CTNNA3: variants seen among roughly 807,000 people sequenced by gnomAD.
CTNNA3 encodes catenin alpha 3.
CTNNA3 carries 76 observed loss-of-function variants against 95.7 expected under a neutral mutation model. The observed-to-expected ratio is 0.79, with a 90% CI of 0.66 to 0.96. CTNNA3 has a LOEUF of 0.96. CTNNA3 is among the 40% of genes least tolerant of loss of function. The pLI is 0.00. For synonymous variants in CTNNA3, 431 were observed against 374.4 expected, an observed-to-expected ratio of 1.15 and a Z score of -1.74; for missense variants, 1,191 against 1,089.8, an observed-to-expected ratio of 1.09 and a Z score of -1.31.
intron 9 of CTNNA3, among the ~76,000 whole-genome samples, chr10:66,700,201 A>G (rs1847899838): frequency 1.3e-5 from 2 of 152,148 alleles, no homozygotes; most frequent in Non-Finnish European, 2.9e-5. Context: ...TGTTCAAAAT[A>G]TCATTATGAA....
chr10:67,132,185 T>A (rs1020454674), intron 7 of CTNNA3, among the ~76,000 whole-genome samples: 1 of 152,154 alleles, frequency 6.6e-6, no homozygotes, highest in South Asian at 2.1e-4. Flanking sequence ...ATGACTCTTA[T>A]GTTTCTAGCT....
chr10:66,634,739 CAAAT>C (rs1343625112), intron 9 of CTNNA3, among the ~76,000 whole-genome samples: 1 of 151,938 alleles, frequency 6.6e-6, no homozygotes, highest in Non-Finnish European at 1.5e-5. Context: ...TTGTCCCTCT[CAAAT>C]AAGTCATTAA....
At chr10:66,161,414 A>T (rs1417442128) in intron 13 of CTNNA3, among the ~76,000 whole-genome samples, 1 of 152,158 alleles carries the variant, frequency 6.6e-6, no homozygotes, top group Non-Finnish European at 1.5e-5. Context: ...TTCTCTCAGC[A>T]TTTGTTTTTC....
intron 13 of CTNNA3, among the ~76,000 whole-genome samples, chr10:66,224,811 C>G (rs1564785409): frequency 6.6e-6 from 1 of 151,980 alleles, no homozygotes; most frequent in Non-Finnish European, 1.5e-5. Flanking sequence ...ATTCATAGTC[C>G]TTACAGTTTT....
chr10:66,882,380 T>G (rs1368950671), intron 7 of CTNNA3, among the ~76,000 whole-genome samples: 1 of 152,158 alleles, frequency 6.6e-6, no homozygotes, highest in East Asian at 1.9e-4. Context: ...ATCCCAGTGC[T>G]TTTGGCCTTG....
intron 11 of CTNNA3, among the ~76,000 whole-genome samples, chr10:66,509,314 C>A (rs999728693): frequency 1.3e-5 from 2 of 151,950 alleles, no homozygotes; most frequent in African/African-American, 4.8e-5. Context: ...TTTTAAATAT[C>A]TTCCCTCATT....
intron 5 of CTNNA3, among the ~76,000 whole-genome samples, chr10:67,304,595 T>G (rs1052685918): frequency 5.9e-5 from 9 of 152,048 alleles, no homozygotes; most frequent in African/African-American, 1.4e-4. Context: ...CTATTTTTGG[T>G]TTTTTTTCTA....
intron 12 of CTNNA3, among the ~76,000 whole-genome samples, chr10:66,305,891 C>T (rs2091927167): frequency 6.6e-6 from 1 of 152,170 alleles, no homozygotes; most frequent in Non-Finnish European, 1.5e-5. Context: ...CTTATCAATT[C>T]CATGCAGCTG....
chr10:66,217,885 G>T (rs985552759), intron 13 of CTNNA3, among the ~76,000 whole-genome samples: 1 of 151,902 alleles, frequency 6.6e-6, no homozygotes, highest in African/African-American at 2.4e-5. Flanking sequence ...CCTGAAGACT[G>T]AAAAACCAGA....
At chr10:66,104,154 C>G (rs1403127595) in intron 13 of CTNNA3, among the ~76,000 whole-genome samples, 1 of 151,988 alleles carries the variant, frequency 6.6e-6, no homozygotes, top group Admixed American at 6.6e-5. Context: ...AACTTCCATT[C>G]CTTCTTTCAA....
At chr10:67,750,968 T>C in intron 1 of CTNNA3, 1 of 1,599,338 alleles carries the variant, frequency 6.3e-7, no homozygotes, top group African/African-American at 1.3e-5. Context: ...CCTTCCCTGC[T>C]GGAGGATCCC....
At chr10:66,443,083 C>G (rs1195146863) in intron 11 of CTNNA3, among the ~76,000 whole-genome samples, 1 of 152,110 alleles carries the variant, frequency 6.6e-6, no homozygotes, top group East Asian at 1.9e-4. Context: ...TGAGATCAAA[C>G]TGCAAGGCCA....
chr10:67,568,313 T>C (rs1291794153), intron 3 of CTNNA3, among the ~76,000 whole-genome samples: 3 of 151,622 alleles, frequency 2.0e-5, no homozygotes, highest in Non-Finnish European at 4.4e-5. Context: ...CTTCCAGAAA[T>C]GATTATTCTT....
At chr10:67,383,919 C>T (rs1251132302) in intron 5 of CTNNA3, among the ~76,000 whole-genome samples, 4 of 152,098 alleles carry the variant, frequency 2.6e-5, no homozygotes, top group Non-Finnish European at 5.9e-5. Flanking sequence ...AAATTATGTT[C>T]CACTTAATAT....
At chr10:67,645,018 A>T (rs887649716) in intron 2 of CTNNA3, among the ~76,000 whole-genome samples, 3 of 152,204 alleles carry the variant, frequency 2.0e-5, no homozygotes, top group African/African-American at 7.2e-5. Flanking sequence ...ATCCAAGAAC[A>T]TCAAAAGCCC....
At chr10:66,942,578 G>C (rs552990869) in intron 7 of CTNNA3, among the ~76,000 whole-genome samples, 151 of 145,500 alleles carry the variant, frequency 1.0e-3, no homozygotes, top group South Asian at 3.0e-3. Context: ...CTCTCTCTCT[G>C]TGTGTGTGTA....
chr10:66,350,751 C>T (rs1292987108), intron 12 of CTNNA3, among the ~76,000 whole-genome samples: 2 of 151,898 alleles, frequency 1.3e-5, no homozygotes, highest in African/African-American at 4.8e-5. Context: ...ACATATTAAA[C>T]ACAAGTTGGA....
chr10:67,477,235 C>T (rs1848049672), intron 5 of CTNNA3, among the ~76,000 whole-genome samples: 2 of 152,138 alleles, frequency 1.3e-5, no homozygotes, highest in East Asian at 1.9e-4. Context: ...AACACCTAGG[C>T]ACACCTCTCG....
intron 7 of CTNNA3, among the ~76,000 whole-genome samples, chr10:66,952,245 A>T (rs1672660484): frequency 6.6e-6 from 1 of 152,208 alleles, no homozygotes; most frequent in African/African-American, 2.4e-5. Flanking sequence ...ATTGTAATTG[A>T]AACTATGCAG....
Sources: allele counts gnomAD v4.1 joint callset (sites outside exome capture counted in the v4.1 genomes callset), GRCh38; gene constraint gnomAD v4.1.1; transcripts MANE v1.5; gene names NCBI Gene and HGNC (gene_info 2026-07-23, HGNC 2026-07-21).